Variants in GDE1 observed in about 807,000 individuals in gnomAD.
The protein encoded by GDE1 is glycerophosphodiester phosphodiesterase 1, also known as RGS16-interacting membrane protein.
Under a neutral mutation model 32.2 loss-of-function variants are expected in GDE1, and 24 were observed. The observed-to-expected ratio is 0.75, with a 90% CI of 0.54 to 1.05. The LOEUF is 1.05. Ranked by LOEUF, GDE1 falls within the 50% of genes least tolerant of loss-of-function variation. The probability of loss-of-function intolerance (pLI) is 0.00; values close to 1 mark genes in which losing one functional copy is unlikely to be tolerated. For synonymous variants in GDE1, 159 were observed against 158.6 expected (o/e 1.00, Z -0.02); for missense variants, 380 against 415.0 (o/e 0.92, Z 0.73).
In GDE1 at chr16:19,503,134, C is replaced by T; in HGVS notation, c.*336G>A. The T allele has an allele frequency of 1.2e-5, 3 of 260,798 alleles. No individual in the cohort carries two copies. Among genetic ancestry groups the T allele is most frequent in the Non-Finnish European group, 1.5e-5 (2 of 135,462 alleles). The allele number at this position is 260,798 out of a possible 1,614,324, so 16.2% of individuals were successfully genotyped here. A position where few individuals can be genotyped will look rare whatever the true frequency, so the allele number is the denominator to read the frequency against. The stretch of plus-strand genomic sequence containing the variant: ...TCAACTCTGAGTTATCATGCATGTC[C>T]CATGCATTTACATCTGCATCTGCAA... On this transcript the variant is annotated 3_prime_UTR_variant, in exon 6 of 6. Coordinates refer to ENST00000353258, the MANE Select transcript of GDE1 (RefSeq NM_016641.4).
chr16:19,507,623 G>T (rs11860778), intron 4 of GDE1, 64 bp downstream of exon 4: 1 of 823,618 alleles, frequency 1.2e-6, no homozygotes, highest in Non-Finnish European at 2.2e-6. Flanking sequence ...CTGTGCTTAC[G>T]CAGCCCATTG....
intron 1 of GDE1, among the ~76,000 whole-genome samples, chr16:19,520,013 AAAAT>A (rs896744119): frequency 4.9e-5 from 5 of 102,830 alleles, no homozygotes; most frequent in Non-Finnish European, 6.8e-5. Flanking sequence ...CCCTGTCTCA[AAAAT>A]AAATAAATAA....
chr16:19,516,659 T>C (rs1233584001), intron 2 of GDE1, among the ~76,000 whole-genome samples: 1 of 152,212 alleles, frequency 6.6e-6, no homozygotes, highest in Non-Finnish European at 1.5e-5. Flanking sequence ...TGGGTTAAGT[T>C]AAAATGTGAT....
In GDE1 at chr16:19,504,869, C is replaced by G. The variant is rs1851670183; in HGVS notation, c.848+12G>C. On this transcript the variant is annotated intron_variant, in intron 5 of 5. Transcript: ENST00000353258. ...TGTCTGTCTGGGTAAAATAAAAAAC[C>G]TTCCAACTTACGGGGATACAAAATC... 2 of 1,568,454 alleles carry G rather than the reference C, an allele frequency of 1.3e-6. No individual in the cohort carries two copies. The highest frequency in any genetic ancestry group is 2.2e-5 in the East Asian group (1 of 44,572).
intron 3 of GDE1, among the ~76,000 whole-genome samples, chr16:19,509,449 A>G (rs957459063): frequency 6.6e-6 from 1 of 152,100 alleles, no homozygotes; most frequent in Non-Finnish European, 1.5e-5. Context: ...CACCCTAGAC[A>G]TTTTCAGAAT....
chr16:19,507,170 AAATAAATAAAT>A (rs1369213992), intron 4 of GDE1, among the ~76,000 whole-genome samples: 12 of 151,464 alleles, frequency 7.9e-5, no homozygotes, highest in African/African-American at 2.7e-4. Context: ...ATAAATAAAT[AAATAAATAAAT>A]AAAATGGCAT....
rs565579216 is a variant in GDE1 at position 19,521,759 on chromosome 16, G to A, written c.206C>T (p.Ala69Val). Residue 69 changes from alanine (A) to valine (V), a missense_variant, in exon 1 of 6, where the codon GCC (alanine) becomes GTC (valine). Transcript: ENST00000353258. Reference sequence around the variant, plus strand: ...CGCGTCGTGGCTGCCGCCACGGTGGGCGATGGCAGAAATGCGGTCCCGGGG... The same window carrying A: ...CGCGTCGTGGCTGCCGCCACGGTGGACGATGGCAGAAATGCGGTCCCGGGG... ...LKPRDRISAI[A>V]HRGGSHDAPE... 2.5e-6 allele frequency: 4 copies of A among 1,612,022 alleles called. No individual in the cohort carries two copies. Among genetic ancestry groups the A allele is most frequent in the African/African-American group, 2.7e-5 (2 of 75,042 alleles).
rs1411630637 is a variant in GDE1, at chr16:19,501,847, G to T, written c.*1623C>A. ...TGCTTCTCATTGTCACATAGCTATG[G>T]GGACTGGTGGCCTTCTAAAATCACT... On this transcript the variant is annotated 3_prime_UTR_variant, in exon 6 of 6. Transcript: ENST00000353258. 5 of 152,080 alleles carry T rather than the reference G, an allele frequency of 3.3e-5. No individual in the cohort carries two copies. Among genetic ancestry groups the T allele is most frequent in the African/African-American group, 1.2e-4 (5 of 41,394 alleles). The allele number at this position is 152,080 out of a possible 1,614,324, so 9.4% of individuals were successfully genotyped here.
chr16:19,521,701 C>T lies in GDE1; in HGVS notation c.261+3G>A, dbSNP rs749963242. On this transcript the variant is annotated splice_donor_region_variant and intron_variant, in intron 1 of 5. Transcript: ENST00000353258. ...CCGAGGGGCGCGAACGTGGGGGTCT[C>T]ACCTGCCGAATGGCCGCCAGCGTGT... 8.1e-6 allele frequency: 13 copies of T among 1,611,212 alleles called. No homozygotes were observed. In the South Asian group the frequency reaches 1.4e-4, roughly 18 times the overall value.
In GDE1 at chr16:19,521,706, GC is replaced by G. The variant is rs1567340866; in HGVS notation, c.258del (p.Gln87ArgfsTer24). ...DAPENTLAAI[R>X]QAAKNGATGV... is the part of the protein sequence containing the mutation. ...GGGCGCGAACGTGGGGGTCTCACCT[GC>G]CGAATGGCCGCCAGCGTGTTCTCGG... is the stretch of plus-strand genomic sequence containing the variant. On this transcript the variant is annotated frameshift_variant, in exon 1 of 6. Transcript: ENST00000353258. LOFTEE classifies it high-confidence loss of function. The G allele has an allele frequency of 6.2e-7, 1 of 1,611,584 alleles. No homozygotes were observed. Among genetic ancestry groups the G allele is most frequent in the Admixed American group, 1.7e-5 (1 of 59,958 alleles).
In GDE1 at chr16:19,503,591, T is replaced by G. The variant is rs778185662; in HGVS notation, c.875A>C (p.Lys292Thr). Reference protein sequence around the residue: ...SPAYLKKWSAKGIQVVGWTVN... With the variant: ...SPAYLKKWSATGIQVVGWTVN... The stretch of plus-strand genomic sequence containing the variant: ...AGTCCAACCAACAACCTGGATTCCT[T>G]TAGCTGACCACTTCTTCAAGTAGGC... Residue 292 changes from lysine (K) to threonine (T), a missense_variant, in exon 6 of 6, where the codon AAA becomes ACA. By Grantham distance (78) the Lys-to-Thr change is moderately conservative (BLOSUM62 -1). Transcript: ENST00000353258. 1.2e-6 allele frequency: 2 copies of G among 1,613,926 alleles called. No individual in the cohort carries two copies. Among genetic ancestry groups the G allele is most frequent in the East Asian group, 4.5e-5 (2 of 44,878 alleles).
At chr16:19,506,007 G>GA (rs2151444910) in intron 4 of GDE1, among the ~76,000 whole-genome samples, 1 of 152,244 alleles carries the variant, frequency 6.6e-6, no homozygotes, top group African/African-American at 2.4e-5. Flanking sequence ...TAGCTCCCTA[G>GA]AAAATGGACA....
Position 19,503,238 on chromosome 16 carries a change from C to T in GDE1, c.*232G>A, listed in dbSNP as rs564469686. 2.7e-4 allele frequency: 140 copies of T among 517,104 alleles called. 2 individuals carry two copies. The Middle Eastern group carries it at 3.2e-3, about 12-fold the overall frequency. The allele number at this position is 517,104 out of a possible 1,614,324, so 32.0% of individuals were successfully genotyped here. A position where few individuals can be genotyped will look rare whatever the true frequency, so the allele number is the denominator to read the frequency against. ...CTAGGGCAGGGCAGGGGCTCTTGTG[C>T]GTTTTTTCAGACCCAGATTTTCAAG... is the stretch of plus-strand genomic sequence containing the variant. On this transcript the variant is annotated 3_prime_UTR_variant, in exon 6 of 6. Transcript: ENST00000353258.
chr16:19,521,455 G>C lies in GDE1; in HGVS notation c.261+249C>G, dbSNP rs942353302. ...GTAAACCAGGGACACTTTTGACCTTGTTCCTGGCTGTATGTAACCTTAGCG... is the reference window on the plus strand; with the variant it reads ...GTAAACCAGGGACACTTTTGACCTTCTTCCTGGCTGTATGTAACCTTAGCG... On this transcript the variant is annotated intron_variant, in intron 1 of 5. Coordinates refer to ENST00000353258, the MANE Select transcript of GDE1 (RefSeq NM_016641.4). 1.1e-5 allele frequency: 6 copies of C among 534,882 alleles called. No individual in the cohort carries two copies. In the African/African-American group the frequency reaches 1.1e-4, roughly 10 times the overall value. 33.1% of individuals were successfully genotyped at this position (534,882 alleles called of 1,614,324 possible).
intron 1 of GDE1, among the ~76,000 whole-genome samples, chr16:19,518,980 C>T (rs1164417434): frequency 3.3e-5 from 5 of 152,064 alleles, no homozygotes; most frequent in African/African-American, 1.2e-4. Flanking sequence ...GTAGTGGACA[C>T]CAGCTGGGTA....
rs562740679 is a variant in GDE1 at position 19,518,378 on chromosome 16, G to A, written c.262-1189C>T. Among the ~76,000 whole-genome samples the A allele has an allele frequency of 2.0e-4, 31 of 152,216 alleles. 1 individual carries two copies. Among genetic ancestry groups the A allele is most frequent in the African/African-American group, 7.5e-4 (31 of 41,514 alleles). On this transcript the variant is annotated intron_variant, in intron 1 of 5. Transcript: ENST00000353258. The stretch of plus-strand genomic sequence containing the variant: ...TTCTACTTGCCAGGCACTCTTCTAA[G>A]TGCTTTAAATGTATTAACTTATTTG...
chr16:19,504,996 A>G lies in GDE1; in HGVS notation c.733T>C (p.Trp245Arg), dbSNP rs1456291684. Reference protein sequence around the residue: ...GDGKPRYDTFWKHFIFVMMDI... With the variant: ...GDGKPRYDTFRKHFIFVMMDI... ...ATCATAACAAATATAAAATGTTTCCAGAAAGTATCATAGCGTGGTTTCCCA... is the reference window on the plus strand; with the variant it reads ...ATCATAACAAATATAAAATGTTTCCGGAAAGTATCATAGCGTGGTTTCCCA... The change falls in exon 5 of 6, where the codon TGG becomes CGG. Residue 245 changes from tryptophan (W) to arginine (R), a missense_variant. Physicochemically the swap from Trp to Arg is moderately radical, Grantham distance 101. Transcript: ENST00000353258. The G allele has an allele frequency of 3.7e-6, 6 of 1,612,984 alleles. No homozygotes were observed. Among genetic ancestry groups the G allele is most frequent in the East Asian group, 2.2e-5 (1 of 44,888 alleles).
chr16:19,519,620 C>A (rs960093006), intron 1 of GDE1, among the ~76,000 whole-genome samples: 1 of 152,090 alleles, frequency 6.6e-6, no homozygotes, highest in Non-Finnish European at 1.5e-5. Flanking sequence ...GCAATATCTC[C>A]TATATATACT....
intron 5 of GDE1, chr16:19,504,414 A>G (rs1969218156): frequency 6.1e-6 from 1 of 164,352 alleles, no homozygotes; most frequent in Admixed American, 5.7e-5. Context: ...TAATTAGCTG[A>G]AATATACAGA....
Sources: gnomAD v4.1 joint callset for allele counts (sites outside exome capture counted in the v4.1 genomes callset) on GRCh38, gnomAD v4.1.1 for gene constraint, MANE v1.5 for transcripts, NCBI Gene and HGNC (gene_info 2026-07-23, HGNC 2026-07-21) for gene names.